The following CTNNA3 variants were observed in gnomAD, a reference collection of about 807,000 sequenced individuals.
CTNNA3 encodes the protein catenin alpha-3.
A neutral mutation model predicts 95.7 loss-of-function variants in CTNNA3; 76 were observed. The observed-to-expected ratio is 0.79, with a 90% CI of 0.66 to 0.96. The LOEUF (loss-of-function observed/expected upper bound fraction) is 0.96. CTNNA3 is among the 40% of genes least tolerant of loss of function. CTNNA3 has a pLI of 0.00. For missense variants in CTNNA3, 1,191 were observed against 1,089.8 expected (o/e 1.09, Z -1.31); for synonymous variants, 431 against 374.4 (o/e 1.15, Z -1.74).
At chr10:67,605,789 C>T (rs1843253792) in intron 3 of CTNNA3, among the ~76,000 whole-genome samples, 1 of 152,082 alleles carries the variant, frequency 6.6e-6, no homozygotes, top group African/African-American at 2.4e-5. Flanking sequence ...AGCGATTCTC[C>T]TGCTTCAGCC....
chr10:66,879,955 T>C (rs1280715419), intron 7 of CTNNA3, among the ~76,000 whole-genome samples: 1 of 152,012 alleles, frequency 6.6e-6, no homozygotes, highest in African/African-American at 2.4e-5. Context: ...GTATACATAA[T>C]CAATGCTGGA....
intron 12 of CTNNA3, among the ~76,000 whole-genome samples, chr10:66,378,244 T>C (rs1248206563): frequency 6.6e-6 from 1 of 152,186 alleles, no homozygotes; most frequent in Non-Finnish European, 1.5e-5. Flanking sequence ...TCTACTCTTT[T>C]GGCTAAACAA....
intron 1 of CTNNA3, among the ~76,000 whole-genome samples, chr10:67,678,296 G>A (rs1840569019): frequency 6.6e-6 from 1 of 152,066 alleles, no homozygotes; most frequent in South Asian, 2.1e-4. Flanking sequence ...AGGCTAAAAA[G>A]AAAAGAAAGT....
intron 14 of CTNNA3, among the ~76,000 whole-genome samples, chr10:66,077,685 G>A (rs72793454): frequency 0.068 from 10,248 of 151,366 alleles, 457 homozygotes; most frequent in East Asian, 0.19. Context: ...TTGTTTCAAA[G>A]GTGGTGATCT....
chr10:67,097,814 C>T (rs371974061), intron 7 of CTNNA3: 6 of 1,607,984 alleles, frequency 3.7e-6, no homozygotes, highest in African/African-American at 1.3e-5. Flanking sequence ...CATTGGTAGC[C>T]AGGGGTTGCT....
At chr10:67,183,552 G>T (rs1189713222) in intron 6 of CTNNA3, among the ~76,000 whole-genome samples, 4 of 151,890 alleles carry the variant, frequency 2.6e-5, no homozygotes, top group Non-Finnish European at 5.9e-5. Context: ...GGTGGGAGGA[G>T]GGGGGAGGGA....
chr10:66,279,175 C>T (rs2091451744), intron 13 of CTNNA3, among the ~76,000 whole-genome samples: 1 of 152,018 alleles, frequency 6.6e-6, no homozygotes, highest in South Asian at 2.1e-4. Flanking sequence ...CCCTGCCAGA[C>T]TCCGTAATAT....
At chr10:66,697,595 T>C (rs1847811710) in intron 9 of CTNNA3, among the ~76,000 whole-genome samples, 1 of 152,036 alleles carries the variant, frequency 6.6e-6, no homozygotes, top group Non-Finnish European at 1.5e-5. Context: ...CCTTACAGAG[T>C]TGACAGTTTG....
At chr10:67,531,751 GAT>G (rs1327901610) in intron 4 of CTNNA3, among the ~76,000 whole-genome samples, 1 of 152,148 alleles carries the variant, frequency 6.6e-6, no homozygotes, top group Non-Finnish European at 1.5e-5. Flanking sequence ...GGGGCAGAAT[GAT>G]ATAGTTTGGC....
intron 11 of CTNNA3, among the ~76,000 whole-genome samples, chr10:66,476,221 G>A (rs1376159602): frequency 9.9e-5 from 15 of 151,986 alleles, no homozygotes; most frequent in Admixed American, 9.8e-4. Flanking sequence ...AGGAACGGGG[G>A]ATGTGGGGAG....
At chr10:66,494,764 C>T (rs1840046061) in intron 11 of CTNNA3, among the ~76,000 whole-genome samples, 2 of 152,132 alleles carry the variant, frequency 1.3e-5, no homozygotes, top group South Asian at 2.1e-4. Flanking sequence ...CAACCAATAC[C>T]GTTGGGAGGA....
At chr10:67,278,113 T>C (rs969359513) in intron 5 of CTNNA3, among the ~76,000 whole-genome samples, 2 of 152,154 alleles carry the variant, frequency 1.3e-5, no homozygotes, top group African/African-American at 4.8e-5. Context: ...TTGGGACCCC[T>C]TTCCAGGAAC....
intron 12 of CTNNA3, among the ~76,000 whole-genome samples, chr10:66,281,080 G>A (rs2132160621): frequency 6.6e-6 from 1 of 151,842 alleles, no homozygotes; most frequent in South Asian, 2.1e-4. Flanking sequence ...AGAAAATTTA[G>A]CTAAAAGTAG....
chr10:67,062,726 T>C (rs564372655), intron 7 of CTNNA3, among the ~76,000 whole-genome samples: 2 of 152,288 alleles, frequency 1.3e-5, no homozygotes, highest in Non-Finnish European at 1.5e-5. Flanking sequence ...GAAGCTACAC[T>C]CCCAGAATTT....
At chr10:67,550,549 AAG>A (rs1218579127) in intron 3 of CTNNA3, among the ~76,000 whole-genome samples, 5 of 152,080 alleles carry the variant, frequency 3.3e-5, no homozygotes, top group Admixed American at 6.5e-5. Flanking sequence ...GAAATGAAGA[AAG>A]AATAAAGAAA....
At chr10:66,086,172 C>A (rs953756971) in intron 14 of CTNNA3, among the ~76,000 whole-genome samples, 3 of 152,102 alleles carry the variant, frequency 2.0e-5, no homozygotes, top group Non-Finnish European at 4.4e-5. Context: ...AGAAATAAGA[C>A]CCTCTGCTCA....
intron 12 of CTNNA3, among the ~76,000 whole-genome samples, chr10:66,361,131 A>AT (rs140136112): frequency 0.35 from 50,917 of 145,696 alleles, 10,275 homozygotes; most frequent in Non-Finnish European, 0.46. Flanking sequence ...TAAATTTTGA[A>AT]TTTTTTGTTT....
At chr10:66,466,051 GT>G (rs1838898550) in intron 11 of CTNNA3, among the ~76,000 whole-genome samples, 2 of 151,962 alleles carry the variant, frequency 1.3e-5, no homozygotes, top group Admixed American at 1.3e-4. Flanking sequence ...TTTTAAATCA[GT>G]ACACTTGAGT....
intron 13 of CTNNA3, among the ~76,000 whole-genome samples, chr10:66,105,576 A>G (rs1329565065): frequency 6.6e-6 from 1 of 152,256 alleles, no homozygotes; most frequent in African/African-American, 2.4e-5. Flanking sequence ...CAAACTAAGA[A>G]CAATTGCTGC....
Sources: gnomAD v4.1 joint callset for allele counts (sites outside exome capture counted in the v4.1 genomes callset) on GRCh38, gnomAD v4.1.1 for gene constraint, MANE v1.5 for transcripts, NCBI Gene and HGNC (gene_info 2026-07-23, HGNC 2026-07-21) for gene names.